The following CDH12 variants were observed in gnomAD, a reference collection of about 807,000 sequenced individuals.
CDH12 encodes the protein cadherin-12.
A neutral mutation model predicts 74.1 loss-of-function variants in CDH12; 41 were observed. That is an observed-to-expected ratio of 0.55 (90% CI 0.43 to 0.72). The LOEUF is 0.72. Ranked by LOEUF, CDH12 falls within the 30% of genes least tolerant of loss-of-function variation. CDH12 has a pLI of 0.00. For missense variants in CDH12, 945 were observed against 977.2 expected (o/e 0.97, Z 0.44); for synonymous variants, 399 against 355.0 (o/e 1.12, Z -1.39).
intron 6 of CDH12, among the ~76,000 whole-genome samples, chr5:21,863,312 C>T (rs779628882): frequency 1.2e-4 from 19 of 152,064 alleles, no homozygotes; most frequent in Admixed American, 5.2e-4. Flanking sequence ...TGTCCAGGTC[C>T]ATGTCACTTG....
chr5:22,643,733 C>CTTTTTTT lies in CDH12; in HGVS notation c.-522-138376_-522-138370dup, dbSNP rs762944279. ...ATTGCGCTTTTGGATTTTAAGGTAT[C>CTTTTTTT]TTTTTTTTTTTTTTTTTTTTTTTTT... On this transcript the variant is annotated intron_variant, in intron 1 of 14. Transcript: ENST00000382254. Among the ~76,000 whole-genome samples the CTTTTTTT allele has an allele frequency of 4.6e-3, 234 of 51,206 alleles. 38 individuals carry two copies. Among genetic ancestry groups the CTTTTTTT allele is most frequent in the East Asian group, 0.01 (12 of 1,158 alleles). The allele number at this position is 51,206 out of a possible 152,430, so 33.6% of individuals were successfully genotyped here.
At chr5:21,848,603 A>G (rs1579828379) in intron 7 of CDH12, among the ~76,000 whole-genome samples, 1 of 152,026 alleles carries the variant, frequency 6.6e-6, no homozygotes, top group Non-Finnish European at 1.5e-5. Flanking sequence ...TGTTATGTTC[A>G]TCATTGCATT....
At chr5:21,865,729 G>T (rs1446462054) in intron 6 of CDH12, among the ~76,000 whole-genome samples, 1 of 152,144 alleles carries the variant, frequency 6.6e-6, no homozygotes, top group Non-Finnish European at 1.5e-5. Flanking sequence ...TAAGATCATG[G>T]TAGCTTTCAC....
At chr5:22,209,674 T>C (rs573955881) in intron 4 of CDH12, among the ~76,000 whole-genome samples, 2 of 151,000 alleles carry the variant, frequency 1.3e-5, no homozygotes, top group Admixed American at 1.3e-4. Context: ...CTAACCTCTT[T>C]CAGAAACTAA....
intron 2 of CDH12, among the ~76,000 whole-genome samples, chr5:22,445,517 T>C (rs966517828): frequency 2.0e-5 from 3 of 152,174 alleles, no homozygotes; most frequent in African/African-American, 7.2e-5. Flanking sequence ...CGCTTATTTT[T>C]GTCAGAAGAA....
At chr5:21,880,926 C>T (rs180696860) in intron 6 of CDH12, among the ~76,000 whole-genome samples, 322 of 151,790 alleles carry the variant, frequency 2.1e-3, no homozygotes, top group African/African-American at 7.4e-3. Context: ...TTCCAGAGTA[C>T]AGAAACATAG....
At chr5:21,840,701 G>A (rs1171577972) in intron 8 of CDH12, among the ~76,000 whole-genome samples, 8 of 151,662 alleles carry the variant, frequency 5.3e-5, no homozygotes, top group East Asian at 1.9e-4. Context: ...AAATAACGCC[G>A]CATATCTACA....
chr5:22,698,850 T>C (rs1057119098), intron 1 of CDH12, among the ~76,000 whole-genome samples: 2 of 150,262 alleles, frequency 1.3e-5, no homozygotes, highest in African/African-American at 4.9e-5. Flanking sequence ...CTCATGAACA[T>C]GCTTTATGGT....
chr5:21,778,479 A>G (rs1200276899), intron 11 of CDH12, among the ~76,000 whole-genome samples: 1 of 150,274 alleles, frequency 6.7e-6, no homozygotes, highest in Non-Finnish European at 1.5e-5. Context: ...AAAAAAAAAA[A>G]AAAAAAAAAA....
intron 6 of CDH12, among the ~76,000 whole-genome samples, chr5:21,872,782 A>AGATCGATC (rs200233475): frequency 5.0e-5 from 5 of 99,622 alleles, no homozygotes; most frequent in Non-Finnish European, 8.9e-5. Flanking sequence ...GTTAAGAGTA[A>AGATCGATC]GATCTATCTA....
chr5:21,787,232 A>G (rs1220787869), intron 10 of CDH12, among the ~76,000 whole-genome samples: 1 of 152,168 alleles, frequency 6.6e-6, no homozygotes, highest in African/African-American at 2.4e-5. Flanking sequence ...TACTTTGTGA[A>G]TGGAAGAATT....
intron 5 of CDH12, among the ~76,000 whole-genome samples, chr5:21,999,155 C>G (rs1736460258): frequency 6.6e-6 from 1 of 152,040 alleles, no homozygotes; most frequent in Non-Finnish European, 1.5e-5. Flanking sequence ...AGTTACTATG[C>G]TTTAGCTGAG....
At chr5:21,803,268 AT>A (rs530630841) in intron 9 of CDH12, among the ~76,000 whole-genome samples, 5 of 151,430 alleles carry the variant, frequency 3.3e-5, no homozygotes, top group African/African-American at 2.4e-5. Context: ...ATCTTTTTTT[AT>A]TTTTTTTACT....
intron 6 of CDH12, among the ~76,000 whole-genome samples, chr5:21,946,108 T>C (rs1755566613): frequency 6.6e-6 from 1 of 152,154 alleles, no homozygotes. Flanking sequence ...AGGAAACAGA[T>C]AATATTTTTG....
At chr5:22,788,082 T>G (rs761309214) in intron 1 of CDH12, among the ~76,000 whole-genome samples, 11 of 152,068 alleles carry the variant, frequency 7.2e-5, no homozygotes, top group Non-Finnish European at 1.5e-4. Context: ...TAGGAAGAAA[T>G]GAAACAAATA....
chr5:22,745,007 T>C (rs1267815617), intron 1 of CDH12, among the ~76,000 whole-genome samples: 1 of 151,270 alleles, frequency 6.6e-6, no homozygotes, highest in Admixed American at 6.6e-5. Context: ...TTAACTCGGC[T>C]AGCTAAATAT....
intron 3 of CDH12, among the ~76,000 whole-genome samples, chr5:22,368,560 T>C (rs538484644): frequency 6.6e-6 from 1 of 151,656 alleles, no homozygotes; most frequent in Non-Finnish European, 1.5e-5. Flanking sequence ...TGCCTCAGTG[T>C]AGTGTATGGA....
chr5:22,756,062 A>C (rs978156847), intron 1 of CDH12, among the ~76,000 whole-genome samples: 1 of 148,400 alleles, frequency 6.7e-6, no homozygotes, highest in African/African-American at 2.5e-5. Context: ...CAGATTTGAA[A>C]GTGCTTTGAA....
chr5:22,034,305 G>T (rs1346909877), intron 5 of CDH12, among the ~76,000 whole-genome samples: 1 of 152,216 alleles, frequency 6.6e-6, no homozygotes, highest in Non-Finnish European at 1.5e-5. Context: ...AGCATGCTGG[G>T]ATTACAGGTG....
Sources: gnomAD v4.1 joint callset for allele counts (sites outside exome capture counted in the v4.1 genomes callset) on GRCh38, gnomAD v4.1.1 for gene constraint, MANE v1.5 for transcripts, NCBI Gene and HGNC (gene_info 2026-07-23, HGNC 2026-07-21) for gene names.